The following TTC28 variants were observed in gnomAD, a reference collection of about 807,000 sequenced individuals.
The protein encoded by TTC28 is tetratricopeptide repeat domain 28.
Under a neutral mutation model 198.0 loss-of-function variants are expected in TTC28, and 61 were observed. The ratio of observed to expected loss-of-function variants is 0.31; its 90% CI spans 0.25 to 0.38. The LOEUF (loss-of-function observed/expected upper bound fraction) is 0.38. TTC28 is among the 10% of genes least tolerant of loss of function. TTC28 has a pLI of 1.00. For missense variants in TTC28, 2,678 were observed against 3,164.0 expected, an observed-to-expected ratio of 0.85 and a Z score of 3.69; for synonymous variants, 1,171 against 1,297.8, an observed-to-expected ratio of 0.90 and a Z score of 2.10.
intron 8 of TTC28, among the ~76,000 whole-genome samples, chr22:28,104,651 A>C (rs1320768998): frequency 6.6e-6 from 1 of 152,172 alleles, no homozygotes; most frequent in Non-Finnish European, 1.5e-5. Flanking sequence ...TGCAGCCTTC[A>C]GTTTCTAGGC....
At chr22:28,135,904 A>G (rs910702543) in intron 6 of TTC28, among the ~76,000 whole-genome samples, 12 of 152,216 alleles carry the variant, frequency 7.9e-5, no homozygotes, top group African/African-American at 1.4e-4. Flanking sequence ...CCTTATAACT[A>G]TATCTTCCTA....
At chr22:28,019,029 C>T (rs1057326090) in intron 13 of TTC28, among the ~76,000 whole-genome samples, 1 of 152,178 alleles carries the variant, frequency 6.6e-6, no homozygotes, top group Non-Finnish European at 1.5e-5. Flanking sequence ...GATACCTCTG[C>T]CTAGAGATCT....
In TTC28 at chr22:27,992,657, G is replaced by T. The variant is rs1252068810; in HGVS notation, c.5483C>A (p.Pro1828His). Residue 1828 changes from proline (P) to histidine (H), a missense_variant, in exon 19 of 23, where the codon CCC becomes CAC. Transcript: ENST00000397906. ...SSTLQSLLGL[P>H]NPALQALCKL... ...GCAAAGGGCTTGGAGGGCAGGATTG[G>T]GCAGACCTAAACCAAGAAAAAAGGG... 2.6e-6 allele frequency: 4 copies of T among 1,551,626 alleles called. No individual in the cohort carries two copies. Among genetic ancestry groups the T allele is most frequent in the Non-Finnish European group, 3.5e-6 (4 of 1,146,984 alleles).
chr22:28,301,705 A>C (rs905882738), intron 3 of TTC28, among the ~76,000 whole-genome samples: 2 of 152,212 alleles, frequency 1.3e-5, no homozygotes, highest in African/African-American at 4.8e-5. Context: ...ATAAAATAAA[A>C]ATATGTGTCA....
At chr22:28,533,200 TC>T (rs1421406594) in intron 2 of TTC28, among the ~76,000 whole-genome samples, 11 of 152,148 alleles carry the variant, frequency 7.2e-5, no homozygotes, top group Non-Finnish European at 1.5e-4. Context: ...ATAAGCAGCT[TC>T]AGCAAAGTCT....
At chr22:28,284,217 T>TA (rs1295415806) in intron 5 of TTC28, among the ~76,000 whole-genome samples, 1 of 152,106 alleles carries the variant, frequency 6.6e-6, no homozygotes, top group Non-Finnish European at 1.5e-5. Context: ...GTTGAATGGA[T>TA]AAATGGATGA....
intron 2 of TTC28, among the ~76,000 whole-genome samples, chr22:28,327,236 T>C (rs1021475764): frequency 1.3e-5 from 2 of 152,204 alleles, no homozygotes; most frequent in Non-Finnish European, 2.9e-5. Flanking sequence ...ACAGATTCTG[T>C]ATCCGTACAT....
At chr22:28,297,348 A>C (rs2044919758) in intron 4 of TTC28, among the ~76,000 whole-genome samples, 1 of 151,560 alleles carries the variant, frequency 6.6e-6, no homozygotes, top group Non-Finnish European at 1.5e-5. Flanking sequence ...AGTAGCTAAG[A>C]CACAGGTACA....
At chr22:28,309,389 T>A (rs1344380244) in intron 2 of TTC28, among the ~76,000 whole-genome samples, 1 of 152,174 alleles carries the variant, frequency 6.6e-6, no homozygotes, top group Non-Finnish European at 1.5e-5. Flanking sequence ...AGACAAAATG[T>A]AAGCCACCTG....
At chr22:28,014,628 T>C (rs1445990026) in intron 13 of TTC28, among the ~76,000 whole-genome samples, 1 of 152,224 alleles carries the variant, frequency 6.6e-6, no homozygotes, top group East Asian at 1.9e-4. Flanking sequence ...CTTACATTTC[T>C]ATGGAGTTTT....
intron 2 of TTC28, among the ~76,000 whole-genome samples, chr22:28,335,451 T>G (rs1354773047): frequency 2.6e-5 from 4 of 152,182 alleles, no homozygotes; most frequent in East Asian, 1.9e-4. Flanking sequence ...TGGGCTGTAT[T>G]GCCATTTCCA....
Position 27,992,990 on chromosome 22 carries a change from G to A in TTC28, c.5476+297C>T, listed in dbSNP as rs186809485. ...CAGCTTCATCGGGGCCACAGCTGCT[G>A]ATGACAATGGCAGTAGTGGCCAGTG... On this transcript the variant is annotated intron_variant, in intron 18 of 22. Coordinates refer to ENST00000397906, the MANE Select transcript of TTC28 (RefSeq NM_001145418.2). 9.0e-4 allele frequency: 497 copies of A among 555,288 alleles called. 10 individuals are homozygous for A. In the East Asian group the frequency reaches 0.012, roughly 13 times the overall value. 34.4% of individuals were successfully genotyped at this position (555,288 alleles called of 1,614,324 possible).
At chr22:28,427,074 A>G (rs1271870071) in intron 2 of TTC28, among the ~76,000 whole-genome samples, 3 of 152,380 alleles carry the variant, frequency 2.0e-5, no homozygotes, top group South Asian at 2.1e-4. Flanking sequence ...ATTTTTCAGG[A>G]AAAACAGTAA....
At chr22:27,990,382 G>A (rs1601486952) in intron 20 of TTC28, among the ~76,000 whole-genome samples, 1 of 152,220 alleles carries the variant, frequency 6.6e-6, no homozygotes, top group East Asian at 1.9e-4. Flanking sequence ...TGAGGTGGAT[G>A]GCGAAGTGGA....
rs60865010 is a variant in TTC28 at position 28,161,753 on chromosome 22, CAGGAA to C, written c.1441+1334_1441+1338del. 4.0e-5 allele frequency among the ~76,000 whole-genome samples: 5 copies of C among 123,600 alleles called. No individual in the cohort carries two copies. The East Asian group carries it at 7.0e-4, about 17-fold the overall frequency. 81.1% of individuals were successfully genotyped at this position (123,600 alleles called of 152,430 possible). On this transcript the variant is annotated intron_variant, in intron 6 of 22. Transcript: ENST00000397906. Reference sequence around the variant, plus strand: ...CAGGACAGGACAGGACAGGACAGGACAGGAAAGGAAAGGAGGAAGGAAGAGAGGAA... The same window carrying C: ...CAGGACAGGACAGGACAGGACAGGACAGGAAAGGAGGAAGGAAGAGAGGAA...
chr22:28,413,174 G>T (rs1601362112), intron 2 of TTC28, among the ~76,000 whole-genome samples: 2 of 152,214 alleles, frequency 1.3e-5, no homozygotes, highest in East Asian at 3.9e-4. Context: ...GGTGCCTCAC[G>T]CCTGTAATTC....
At chr22:28,353,033 C>G (rs1198797112) in intron 2 of TTC28, among the ~76,000 whole-genome samples, 1 of 152,164 alleles carries the variant, frequency 6.6e-6, no homozygotes, top group Non-Finnish European at 1.5e-5. Context: ...AAATAATACA[C>G]AGCTGATAAC....
At chr22:28,276,113 A>G (rs921473395) in intron 5 of TTC28, among the ~76,000 whole-genome samples, 9 of 151,978 alleles carry the variant, frequency 5.9e-5, no homozygotes, top group African/African-American at 1.9e-4. Context: ...CAGGACTCCA[A>G]TGATCTTCCC....
chr22:28,596,421 G>A (rs1285295935), intron 2 of TTC28, among the ~76,000 whole-genome samples: 2 of 152,142 alleles, frequency 1.3e-5, no homozygotes, highest in African/African-American at 4.8e-5. Context: ...AAGTGAGATG[G>A]GAAGTTATTT....
Sources: gnomAD v4.1 joint callset for allele counts (sites outside exome capture counted in the v4.1 genomes callset) on GRCh38, gnomAD v4.1.1 for gene constraint, MANE v1.5 for transcripts, NCBI Gene and HGNC (gene_info 2026-07-23, HGNC 2026-07-21) for gene names.